PRKCE: variants seen among roughly 807,000 people sequenced by gnomAD.
PRKCE encodes the protein protein kinase C epsilon.
PRKCE carries 16 observed loss-of-function variants against 85.4 expected under a neutral mutation model. That is an observed-to-expected ratio of 0.19 (90% CI 0.13 to 0.28). The LOEUF is 0.28. PRKCE is among the 10% of genes least tolerant of loss of function. PRKCE has a pLI of 1.00. For missense variants in PRKCE, 573 were observed against 975.2 expected (o/e 0.59, Z 5.49); for synonymous variants, 388 against 371.5 (o/e 1.04, Z -0.51).
intron 1 of PRKCE, among the ~76,000 whole-genome samples, chr2:45,723,220 C>CAT (rs10642066): frequency 0.15 from 22,416 of 152,148 alleles, 1,761 homozygotes; most frequent in Non-Finnish European, 0.17. Context: ...ATGGTTTACA[C>CAT]GTGGTTATTC....
rs1477016701 is a variant in PRKCE at position 46,004,344 on chromosome 2, G to C, written c.967-198G>C. On this transcript the variant is annotated intron_variant, in intron 7 of 14. Transcript: ENST00000306156. The surrounding 1 kb of genome is among the most constrained non-coding windows in gnomAD (Gnocchi z 4.1). ...CACTGAAATTCCTTTTGTGGTTCTTGCTCTGGTCAGACGTCACAGAGGGAT... is the reference window on the plus strand; with the variant it reads ...CACTGAAATTCCTTTTGTGGTTCTTCCTCTGGTCAGACGTCACAGAGGGAT... 1.9e-6 allele frequency: 1 copy of C among 525,450 alleles called. No individual in the cohort carries two copies. The highest frequency in any genetic ancestry group is 3.1e-5 in the Admixed American group (1 of 32,480). The allele number at this position is 525,450 out of a possible 1,614,324, so 32.5% of individuals were successfully genotyped here.
intron 1 of PRKCE, among the ~76,000 whole-genome samples, chr2:45,770,071 C>T (rs1685194444): frequency 6.6e-6 from 1 of 152,110 alleles, no homozygotes; most frequent in Non-Finnish European, 1.5e-5. Context: ...CTGTGAAACG[C>T]TCTCCTTCTC....
intron 11 of PRKCE, among the ~76,000 whole-genome samples, chr2:46,125,417 G>T (rs1673753522): frequency 1.3e-5 from 2 of 152,188 alleles, no homozygotes; most frequent in East Asian, 1.9e-4. Flanking sequence ...TAAAATAAAA[G>T]TTTGAATTTG....
At chr2:46,075,789 T>C (rs1278404708) in intron 10 of PRKCE, among the ~76,000 whole-genome samples, 1 of 152,166 alleles carries the variant, frequency 6.6e-6, no homozygotes, top group East Asian at 1.9e-4. Flanking sequence ...AAAAAGGGAT[T>C]TGACTAAGGC....
chr2:45,742,452 T>C (rs1439919414), intron 1 of PRKCE, among the ~76,000 whole-genome samples: 1 of 147,860 alleles, frequency 6.8e-6, no homozygotes, highest in African/African-American at 2.5e-5. Context: ...AAAAAAAAAC[T>C]AGGCAAAAGT....
intron 2 of PRKCE, among the ~76,000 whole-genome samples, chr2:45,848,113 T>C (rs1428825846): frequency 6.6e-6 from 1 of 152,242 alleles, no homozygotes; most frequent in Non-Finnish European, 1.5e-5. Flanking sequence ...GAAAGGGGTT[T>C]TTCTCTTGAA....
chr2:45,883,334 G>C (rs901893513), intron 2 of PRKCE, among the ~76,000 whole-genome samples: 1 of 152,238 alleles, frequency 6.6e-6, no homozygotes, highest in Non-Finnish European at 1.5e-5. Context: ...GCGCCCTGCA[G>C]GGATGACCCT....
At chr2:46,158,832 A>G (rs6742742) in intron 13 of PRKCE, among the ~76,000 whole-genome samples, 146,109 of 152,212 alleles carry the variant, frequency 0.96, 70,191 homozygotes, top group East Asian at 1. Context: ...TGGTATACGT[A>G]TGCTCAATTA....
At chr2:45,820,658 T>C (rs1689456533) in intron 1 of PRKCE, among the ~76,000 whole-genome samples, 1 of 152,216 alleles carries the variant, frequency 6.6e-6, no homozygotes, top group Non-Finnish European at 1.5e-5. Context: ...CCTTTTGTCC[T>C]TGAGTCTTGT....
chr2:46,017,031 T>TC (rs1227978046), intron 10 of PRKCE, among the ~76,000 whole-genome samples: 1 of 151,492 alleles, frequency 6.6e-6, no homozygotes, highest in East Asian at 1.9e-4. Context: ...CCCTTTTTTT[T>TC]TTCGGAATTT....
chr2:46,030,687 C>T (rs1268680541), intron 10 of PRKCE, among the ~76,000 whole-genome samples: 1 of 152,212 alleles, frequency 6.6e-6, no homozygotes, highest in Non-Finnish European at 1.5e-5. Context: ...TATCATAATA[C>T]TTCCCTGTAG....
chr2:45,843,136 C>A (rs551587527), intron 2 of PRKCE, 73 bp downstream of exon 2: 14 of 1,340,150 alleles, frequency 1.0e-5, no homozygotes, highest in African/African-American at 5.8e-5. Context: ...TCTTTCCCCC[C>A]CTTGGCCGGA....
In PRKCE at chr2:46,184,994, C is replaced by T; in HGVS notation, c.*113C>T. On this transcript the variant is annotated 3_prime_UTR_variant, in exon 15 of 15. Transcript: ENST00000306156. The surrounding 1 kb of genome is among the most constrained non-coding windows in gnomAD (Gnocchi z 5.0). Reference sequence around the variant, plus strand: ...TACTTCTCCTCCTCGGAGCCCCAGTCCCATGTCCACTGTCTATTTATTGCA... The same window carrying T: ...TACTTCTCCTCCTCGGAGCCCCAGTTCCATGTCCACTGTCTATTTATTGCA... 2 of 1,380,988 alleles carry T rather than the reference C, an allele frequency of 1.4e-6. No homozygotes were observed. The highest frequency in any genetic ancestry group is 2.0e-6 in the Non-Finnish European group (2 of 1,014,806). 85.5% of individuals were successfully genotyped at this position (1,380,988 alleles called of 1,614,324 possible).
intron 1 of PRKCE, among the ~76,000 whole-genome samples, chr2:45,719,902 T>C (rs13399369): frequency 0.12 from 18,612 of 151,916 alleles, 1,210 homozygotes; most frequent in East Asian, 0.16. Flanking sequence ...CTAGTCTGGG[T>C]GAGAGAAAAA....
intron 11 of PRKCE, among the ~76,000 whole-genome samples, chr2:46,106,959 T>C (rs1671777092): frequency 6.6e-6 from 1 of 152,268 alleles, no homozygotes; most frequent in South Asian, 2.1e-4. Context: ...AGTTATTTTG[T>C]CACATTTTGC....
chr2:46,183,510 GGA>G (rs1347380261), intron 14 of PRKCE, among the ~76,000 whole-genome samples: 1 of 152,182 alleles, frequency 6.6e-6, no homozygotes, highest in African/African-American at 2.4e-5. Context: ...AAGTATTGCT[GGA>G]GTCCCTGCCT....
intron 11 of PRKCE, among the ~76,000 whole-genome samples, chr2:46,123,736 T>TC (rs1673575114): frequency 6.6e-6 from 1 of 152,190 alleles, no homozygotes; most frequent in Non-Finnish European, 1.5e-5. Flanking sequence ...CCGACCTGCC[T>TC]CAGCCTCCCA....
intron 2 of PRKCE, among the ~76,000 whole-genome samples, chr2:45,931,882 T>TA (rs1673724754): frequency 1.3e-5 from 2 of 152,138 alleles, no homozygotes; most frequent in African/African-American, 4.8e-5. Flanking sequence ...AATTTTTGTA[T>TA]TTTTAATAGA....
rs1241421900 is a variant in PRKCE at position 45,765,158 on chromosome 2, A to G, written c.349-77842A>G. On this transcript the variant is annotated intron_variant, in intron 1 of 14. Coordinates refer to ENST00000306156, the MANE Select transcript of PRKCE (RefSeq NM_005400.3). ...CCCTTAATACGTTCTTAAGCCATGCATAACTCTAAGCCTGTTTTAACCATG... is the reference window on the plus strand; with the variant it reads ...CCCTTAATACGTTCTTAAGCCATGCGTAACTCTAAGCCTGTTTTAACCATG... Among the ~76,000 whole-genome samples the G allele has an allele frequency of 5.3e-5, 8 of 152,360 alleles. No individual in the cohort carries two copies. In the East Asian group the frequency reaches 1.5e-3, roughly 29 times the overall value.
Sources: allele counts gnomAD v4.1 joint callset (sites outside exome capture counted in the v4.1 genomes callset), GRCh38; gene constraint gnomAD v4.1.1; non-coding constraint Gnocchi (gnomAD v3.1); transcripts MANE v1.5; gene names NCBI Gene and HGNC (gene_info 2026-07-23, HGNC 2026-07-21).